The following FBLIM1 variants were observed in gnomAD, a reference collection of about 807,000 sequenced individuals.
FBLIM1 encodes the protein filamin-binding LIM protein 1.
Under a neutral mutation model 37.4 loss-of-function variants are expected in FBLIM1, and 29 were observed. The ratio of observed to expected loss-of-function variants is 0.77; its 90% confidence interval spans 0.58 to 1.06. FBLIM1 has a LOEUF of 1.06. FBLIM1 is among the 50% of genes least tolerant of loss of function. FBLIM1 has a pLI of 0.00. For synonymous variants in FBLIM1, 193 were observed against 199.0 expected, an observed-to-expected ratio of 0.97 and a Z score of 0.25; for missense variants, 449 against 505.6, an observed-to-expected ratio of 0.89 and a Z score of 1.07.
chr1:15,760,460 G>A (rs1383119894), intron 1 of FBLIM1, among the ~76,000 whole-genome samples: 2 of 151,092 alleles, frequency 1.3e-5, no homozygotes, highest in East Asian at 1.9e-4. Flanking sequence ...AACCTGGGAG[G>A]TGGAGGTTTC....
chr1:15,784,562 CCTGT>C lies in FBLIM1; in HGVS notation c.1029_1032del (p.Val344SerfsTer10). 2 of 1,613,942 alleles carry C rather than the reference CCTGT, an allele frequency of 1.2e-6. No homozygotes were observed. Among genetic ancestry groups the C allele is most frequent in the Non-Finnish European group, 1.7e-6 (2 of 1,179,850 alleles). On this transcript the variant is annotated frameshift_variant, in exon 9 of 9. Transcript: ENST00000375766. LOFTEE classifies it high-confidence loss of function. The stretch of plus-strand genomic sequence containing the variant: ...TGTCTCCCCAGGACTGCAGGATCCT[CCTGT>C]CTGTCGAGCCCACGGACCAAGGCTG...
intron 8 of FBLIM1, 50 bp from the exon 9 acceptor site, chr1:15,784,498 A>G (rs2069726439): frequency 6.9e-7 from 1 of 1,455,338 alleles, no homozygotes; most frequent in Non-Finnish European, 9.6e-7. Context: ...TCCCCTGTGC[A>G]GGCAGCGCCC....
intron 7 of FBLIM1, among the ~76,000 whole-genome samples, chr1:15,776,501 C>T (rs1189105877): frequency 6.6e-6 from 1 of 152,082 alleles, no homozygotes; most frequent in African/African-American, 2.4e-5. Flanking sequence ...CACAGATAAC[C>T]GCTGGACTCA....
intron 1 of FBLIM1, among the ~76,000 whole-genome samples, chr1:15,763,244 A>G (rs2068759943): frequency 6.6e-6 from 1 of 151,494 alleles, no homozygotes; most frequent in Non-Finnish European, 1.5e-5. Flanking sequence ...TAATTTTTGT[A>G]TTTTTAGTAG....
intron 6 of FBLIM1, among the ~76,000 whole-genome samples, chr1:15,772,077 G>C (rs577895034): frequency 6.6e-6 from 1 of 152,126 alleles, no homozygotes; most frequent in Admixed American, 6.6e-5. Context: ...ACCCACAGCC[G>C]CATCCCCTGG....
Position 15,767,570 on chromosome 1 carries a change from C to A in FBLIM1, c.438+7C>A. The A allele has an allele frequency of 9.6e-7, 1 of 1,036,642 alleles. No homozygotes were observed. Among genetic ancestry groups the A allele is most frequent in the Non-Finnish European group, 1.4e-6 (1 of 738,670 alleles). 64.2% of individuals were successfully genotyped at this position (1,036,642 alleles called of 1,614,324 possible). Reference sequence around the variant, plus strand: ...GCCCCCGCCCCCACCACAGGTACTGCCTGCCCCCCGACCCCCAGCAATCCC... The same window carrying A: ...GCCCCCGCCCCCACCACAGGTACTGACTGCCCCCCGACCCCCAGCAATCCC... On this transcript the variant is annotated splice_region_variant and intron_variant, in intron 4 of 8. Coordinates refer to ENST00000375766, the MANE Select transcript of FBLIM1 (RefSeq NM_017556.4).
chr1:15,763,935 G>A (rs1056718583), intron 1 of FBLIM1, among the ~76,000 whole-genome samples: 6 of 152,110 alleles, frequency 3.9e-5, no homozygotes, highest in Non-Finnish European at 5.9e-5. Flanking sequence ...CACCATGCCC[G>A]GCCCATGGAA....
rs563286905 is a variant in FBLIM1 at position 15,774,560 on chromosome 1, C to A, written c.712-58C>A. On this transcript the variant is annotated intron_variant, in intron 6 of 8. Transcript: ENST00000375766. ...AGGGCAGCCTCTCAGAAGAAGACGACCCTCGTGGGTTGGGGTGGGTGTGTC... is the reference window on the plus strand; with the variant it reads ...AGGGCAGCCTCTCAGAAGAAGACGAACCTCGTGGGTTGGGGTGGGTGTGTC... 8.7e-5 allele frequency: 135 copies of A among 1,550,826 alleles called. 2 individuals are homozygous for A. The South Asian group carries it at 1.5e-3, about 17-fold the overall frequency.
rs1449529510 is a variant in FBLIM1 at position 15,765,622 on chromosome 1, G to A, written c.250+389G>A. 2.0e-5 allele frequency among the ~76,000 whole-genome samples: 3 copies of A among 151,982 alleles called. No homozygotes were observed. The highest frequency in any genetic ancestry group is 6.6e-5 in the Admixed American group (1 of 15,250). On this transcript the variant is annotated intron_variant, in intron 3 of 8. Transcript: ENST00000375766. The surrounding 1 kb of genome is among the most constrained non-coding windows in gnomAD (Gnocchi z 5.9). ...CTCCCTGAAGTGAGATAAGTTTTAG[G>A]TGACCAGCTTGGTCATGCGCCTGGT...
Position 15,770,333 on chromosome 1 carries a change from G to T in FBLIM1, c.542-76G>T. ...TTTAAGACAGAGCCTCGGGTATCCT[G>T]AGCATGTTCTGGGTGGTGCCTGGGT... On this transcript the variant is annotated intron_variant, in intron 5 of 8. Coordinates refer to ENST00000375766, the MANE Select transcript of FBLIM1 (RefSeq NM_017556.4). 5 of 1,499,906 alleles carry T rather than the reference G, an allele frequency of 3.3e-6. No homozygotes were observed. In the South Asian group the frequency reaches 5.9e-5, roughly 18 times the overall value. 92.9% of individuals were successfully genotyped at this position (1,499,906 alleles called of 1,614,324 possible).
chr1:15,786,290 G>A lies in FBLIM1; in HGVS notation c.*1629G>A, dbSNP rs909609875. On this transcript the variant is annotated 3_prime_UTR_variant, in exon 9 of 9. Transcript: ENST00000375766. ...CACACGCTCCCACGAGAATGCCACAGGGGCCGTGCACTGGGCAGGCTTCTC... is the reference window on the plus strand; with the variant it reads ...CACACGCTCCCACGAGAATGCCACAAGGGCCGTGCACTGGGCAGGCTTCTC... The A allele has an allele frequency of 7.9e-5, 12 of 152,194 alleles. No individual in the cohort carries two copies. Among genetic ancestry groups the A allele is most frequent in the African/African-American group, 2.9e-4 (12 of 41,442 alleles). 9.4% of individuals were successfully genotyped at this position (152,194 alleles called of 1,614,324 possible). A position where few individuals can be genotyped will look rare whatever the true frequency, so the allele number is the denominator to read the frequency against.
At chr1:15,762,866 G>C (rs1365622638) in intron 1 of FBLIM1, among the ~76,000 whole-genome samples, 1 of 152,198 alleles carries the variant, frequency 6.6e-6, no homozygotes. Flanking sequence ...GAATCGGGGG[G>C]TGCCTTGTGG....
At chr1:15,777,710 T>A (rs1295692087) in intron 8 of FBLIM1, among the ~76,000 whole-genome samples, 1 of 151,786 alleles carries the variant, frequency 6.6e-6, no homozygotes, top group Non-Finnish European at 1.5e-5. Context: ...GTAGCTGGGA[T>A]TACAGGCGCG....
chr1:15,757,560 G>T (rs1199941341), upstream of FBLIM1, among the ~76,000 whole-genome samples: 4 of 152,096 alleles, frequency 2.6e-5, no homozygotes, highest in Admixed American at 1.3e-4. The surrounding 1 kb of genome is among the most constrained non-coding windows in gnomAD (Gnocchi z 4.1). Context: ...CAGTGGGTGA[G>T]GGCGGAGGCA....
At chr1:15,766,677 C>T (rs1372953533) in intron 3 of FBLIM1, among the ~76,000 whole-genome samples, 2 of 151,942 alleles carry the variant, frequency 1.3e-5, no homozygotes. Context: ...TCACTGCAAC[C>T]TCCGCCTCCT....
chr1:15,776,093 A>G (rs1375679439), intron 7 of FBLIM1, among the ~76,000 whole-genome samples: 1 of 152,148 alleles, frequency 6.6e-6, no homozygotes. Flanking sequence ...TGATGAGCCC[A>G]GCAGGAACTA....
Position 15,777,187 on chromosome 1 carries a change from G to A in FBLIM1, c.908G>A (p.Cys303Tyr), listed in dbSNP as rs1402815368. The change falls in exon 8 of 9, where the codon TGC becomes TAC. Residue 303 changes from cysteine (C) to tyrosine (Y), a missense_variant. Physicochemically the swap from Cys to Tyr is radical, Grantham distance 194 (BLOSUM62 -2). Coordinates refer to ENST00000375766, the MANE Select transcript of FBLIM1 (RefSeq NM_017556.4). ...DDFYRKFAPV[C>Y]SICENPIIPR... Reference sequence around the variant, plus strand: ...GCTTCTAGGAAATTCGCCCCCGTCTGCAGCATCTGTGAAAATCCCATCATC... The same window carrying A: ...GCTTCTAGGAAATTCGCCCCCGTCTACAGCATCTGTGAAAATCCCATCATC... 1.9e-6 allele frequency: 3 copies of A among 1,606,990 alleles called. No individual in the cohort carries two copies. In the Admixed American group the frequency reaches 5.0e-5, roughly 27 times the overall value.
intron 7 of FBLIM1, among the ~76,000 whole-genome samples, chr1:15,776,256 C>CAAACA (rs1157958053): frequency 2.0e-5 from 3 of 151,904 alleles, no homozygotes; most frequent in Admixed American, 1.3e-4. Context: ...GACTCCATCC[C>CAAACA]AAACAAAACA....
chr1:15,773,612 G>A (rs1224908237), intron 6 of FBLIM1, among the ~76,000 whole-genome samples: 1 of 149,018 alleles, frequency 6.7e-6, no homozygotes, highest in Non-Finnish European at 1.5e-5. Flanking sequence ...CCCGGGAAAC[G>A]AGGTTGTGGT....
Sources: gnomAD v4.1 joint callset for allele counts (sites outside exome capture counted in the v4.1 genomes callset) on GRCh38, gnomAD v4.1.1 for gene constraint, Gnocchi (gnomAD v3.1) non-coding constraint, MANE v1.5 for transcripts, NCBI Gene and HGNC (gene_info 2026-07-23, HGNC 2026-07-21) for gene names.